TCF20: variants seen among roughly 807,000 people sequenced by gnomAD.
The protein encoded by TCF20 is SPRE-binding protein.
TCF20 carries 3 observed loss-of-function variants against 148.6 expected under a neutral mutation model. That is an observed-to-expected ratio of 0.02 (90% CI 0.01 to 0.05). The LOEUF (loss-of-function observed/expected upper bound fraction) is 0.05, where lower values mean the gene tolerates loss of function less well. Among genes scored for constraint, TCF20 ranks in the 10% least tolerant of loss-of-function variants. The pLI is 1.00. For missense variants in TCF20, 2,350 were observed against 2,429.3 expected (o/e 0.97, Z 0.69); for synonymous variants, 1,049 against 909.5 (o/e 1.15, Z -2.76).
chr22:42,231,701 G>A (rs771475650), intron 1 of TCF20, among the ~76,000 whole-genome samples: 2 of 151,994 alleles, frequency 1.3e-5, no homozygotes, highest in Non-Finnish European at 2.9e-5. Context: ...AGGCCCAGGC[G>A]GGTGGATCAC....
upstream of TCF20, among the ~76,000 whole-genome samples, chr22:42,285,015 G>A (rs1927000795): frequency 6.6e-6 from 1 of 152,226 alleles, no homozygotes; most frequent in Admixed American, 6.5e-5. The surrounding 1 kb of genome is among the most constrained non-coding windows in gnomAD (Gnocchi z 4.2). Flanking sequence ...TGGCCTGGTG[G>A]GGACTTCCCT....
chr22:42,196,253 C>T lies in TCF20; in HGVS notation c.5655+13398G>A, dbSNP rs142508314. ...TGTAACAGGTAAAATGGGAGTGCAGCTGGGCAGCACTTGCTGCCTGGGGAA... is the reference window on the plus strand; with the variant it reads ...TGTAACAGGTAAAATGGGAGTGCAGTTGGGCAGCACTTGCTGCCTGGGGAA... On this transcript the variant is annotated intron_variant, in intron 2 of 5. Transcript: ENST00000677622. 2.7e-3 allele frequency among the ~76,000 whole-genome samples: 408 copies of T among 152,304 alleles called. 4 individuals carry two copies. The highest frequency in any genetic ancestry group is 3.7e-3 in the Non-Finnish European group (254 of 68,020).
intron 1 of TCF20, among the ~76,000 whole-genome samples, chr22:42,232,975 C>CACGACG (rs890485345): frequency 6.6e-6 from 1 of 152,130 alleles, no homozygotes; most frequent in Non-Finnish European, 1.5e-5. Context: ...GGCTGGAGTG[C>CACGACG]ACTGGTGCAA....
In TCF20 at chr22:42,183,850, C is replaced by A. The variant is rs569450049; in HGVS notation, c.5656-4148G>T. The stretch of plus-strand genomic sequence containing the variant: ...ATGGCATGATCTCGGCTCACCGCAA[C>A]CTCCACCTCCCGGGTTCAAGCGATT... On this transcript the variant is annotated intron_variant, in intron 2 of 5. Transcript: ENST00000677622. Among the ~76,000 whole-genome samples the A allele has an allele frequency of 7.9e-5, 12 of 151,598 alleles. 1 individual carries two copies. The South Asian group carries it at 2.3e-3, about 29-fold the overall frequency.
At chr22:42,187,160 G>A (rs1377390385) in intron 2 of TCF20, among the ~76,000 whole-genome samples, 1 of 152,132 alleles carries the variant, frequency 6.6e-6, no homozygotes, top group African/African-American at 2.4e-5. Flanking sequence ...CTGCCATGTG[G>A]ATCTTAGGTC....
chr22:42,233,454 C>T (rs1216515819), intron 1 of TCF20, among the ~76,000 whole-genome samples: 2 of 152,232 alleles, frequency 1.3e-5, no homozygotes, highest in African/African-American at 4.8e-5. Context: ...TGCACCTTTT[C>T]GTTTGTTCAG....
At chr22:42,270,870 G>C (rs1354453644), upstream of TCF20, among the ~76,000 whole-genome samples, 4 of 151,022 alleles carry the variant, frequency 2.6e-5, no homozygotes, top group Non-Finnish European at 4.4e-5. Context: ...GGTCGCACGG[G>C]GTTCTCCTCT....
At chr22:42,313,597 C>CTTTCTT (rs755750352) in intron 1 of TCF20, among the ~76,000 whole-genome samples, 8 of 120,314 alleles carry the variant, frequency 6.6e-5, no homozygotes, top group African/African-American at 2.6e-4. Flanking sequence ...AGAATTCTTT[C>CTTTCTT]TTTTTTTTTT....
At chr22:42,186,562 C>T (rs751857559) in intron 2 of TCF20, among the ~76,000 whole-genome samples, 1 of 152,170 alleles carries the variant, frequency 6.6e-6, no homozygotes, top group African/African-American at 2.4e-5. Flanking sequence ...TTCTCTCCTA[C>T]AATCTGCCTT....
rs1395758044 is a variant in TCF20 at position 42,198,111 on chromosome 22, A to G, written c.5655+11540T>C. Among the ~76,000 whole-genome samples the G allele has an allele frequency of 2.6e-5, 4 of 152,264 alleles. No homozygotes were observed. The East Asian group carries it at 7.7e-4, about 29-fold the overall frequency. ...GAAACCACCTCAATAAAAGTGCGGT[A>G]CTTGAATAAATTACATTATACTCAC... On this transcript the variant is annotated intron_variant, in intron 2 of 5. Transcript: ENST00000677622.
intron 2 of TCF20, 95 bp from the exon 3 acceptor site, chr22:42,179,797 T>G: frequency 1.2e-6 from 1 of 813,950 alleles, no homozygotes; most frequent in Non-Finnish European, 2.1e-6. Context: ...CCTCAGCACG[T>G]GTCTCTGTGG....
At chr22:42,203,376 C>T (rs1569135866) in intron 2 of TCF20, among the ~76,000 whole-genome samples, 2 of 152,068 alleles carry the variant, frequency 1.3e-5, no homozygotes, top group African/African-American at 4.8e-5. Context: ...CTCCCCACAT[C>T]ATCCCCCTAC....
chr22:42,303,229 C>T (rs1407545947), intron 1 of TCF20, among the ~76,000 whole-genome samples: 1 of 152,254 alleles, frequency 6.6e-6, no homozygotes, highest in Middle Eastern at 3.2e-3. Flanking sequence ...CATGCCAGGC[C>T]AAGCAACCAT....
chr22:42,171,726 CAGGGGAT>C (rs1472845934), intron 3 of TCF20, among the ~76,000 whole-genome samples: 1 of 152,224 alleles, frequency 6.6e-6, no homozygotes, highest in Non-Finnish European at 1.5e-5. Context: ...AACTGGAGCT[CAGGGGAT>C]ATGCTCTCTT....
chr22:42,193,959 T>C (rs1937470867), intron 2 of TCF20, among the ~76,000 whole-genome samples: 1 of 152,104 alleles, frequency 6.6e-6, no homozygotes, highest in Non-Finnish European at 1.5e-5. Flanking sequence ...AGAGTGAGAT[T>C]AGAAAAAAGC....
chr22:42,164,774 G>GATTT lies in TCF20; in HGVS notation c.*45-3420_*45-3417dup, dbSNP rs1569093516. Among the ~76,000 whole-genome samples, 4 of 152,344 alleles carry GATTT rather than the reference G, an allele frequency of 2.6e-5. No individual in the cohort carries two copies. The South Asian group carries it at 8.3e-4, about 32-fold the overall frequency. On this transcript the variant is annotated intron_variant, in intron 5 of 5. Coordinates refer to ENST00000677622, the MANE Select transcript of TCF20 (RefSeq NM_001378418.1). ...GGGAAAGGCTTCTCTGAGGAAGTAG[G>GATTT]ATTTAAGCTGAGACCCAGGAGATGG...
At chr22:42,230,086 T>C (rs1346345303) in intron 1 of TCF20, among the ~76,000 whole-genome samples, 1 of 152,238 alleles carries the variant, frequency 6.6e-6, no homozygotes, top group African/African-American at 2.4e-5. Flanking sequence ...CTCCCAATTA[T>C]TAGTACAGCA....
upstream of TCF20, among the ~76,000 whole-genome samples, chr22:42,271,435 C>G (rs1469137049): frequency 6.6e-6 from 1 of 152,240 alleles, no homozygotes; most frequent in Admixed American, 6.5e-5. Context: ...TCAGCTTGTT[C>G]CCAGCCTTCC....
chr22:42,259,278 G>A (rs1478246938), intron 1 of TCF20, among the ~76,000 whole-genome samples: 2 of 152,140 alleles, frequency 1.3e-5, no homozygotes, highest in African/African-American at 4.8e-5. Flanking sequence ...ACTCCCTGGG[G>A]GGTTCTGAAA....
Sources: allele counts gnomAD v4.1 joint callset (sites outside exome capture counted in the v4.1 genomes callset), GRCh38; gene constraint gnomAD v4.1.1; non-coding constraint Gnocchi (gnomAD v3.1); transcripts MANE v1.5; gene names NCBI Gene and HGNC (gene_info 2026-07-23, HGNC 2026-07-21).